The following GRIA3 variants were observed in gnomAD, a reference collection of about 807,000 sequenced individuals.
GRIA3 encodes the protein glutamate receptor 3.
Under a neutral mutation model 63.0 loss-of-function variants are expected in GRIA3, and 3 were observed. The observed-to-expected ratio is 0.05, with a 90% CI of 0.02 to 0.12. The LOEUF is 0.12. GRIA3 is among the 10% of genes least tolerant of loss of function. The pLI, the probability that GRIA3 is intolerant of heterozygous loss-of-function variation, is 1.00. For missense variants in GRIA3, 347 were observed against 700.9 expected (o/e 0.50, Z 5.70); for synonymous variants, 274 against 257.9 (o/e 1.06, Z -0.60).
chrX:123,376,107 T>C (rs761140876), intron 5 of GRIA3, among the ~76,000 whole-genome samples: 1 of 112,060 alleles, frequency 8.9e-6, no homozygotes, highest in Non-Finnish European at 1.9e-5. Flanking sequence ...GTCCCCTTCT[T>C]TCATTCTCTA....
At chrX:123,234,631 G>A (rs1690696906) in intron 2 of GRIA3, among the ~76,000 whole-genome samples, 1 of 111,643 alleles carries the variant, frequency 9.0e-6, no homozygotes, top group South Asian at 3.8e-4. Context: ...TATACCTTGT[G>A]GCAACATATT....
At chrX:123,366,543 A>C (rs919161537) in intron 5 of GRIA3, among the ~76,000 whole-genome samples, 8 of 111,926 alleles carry the variant, frequency 7.1e-5, no homozygotes, top group African/African-American at 2.6e-4. Flanking sequence ...GAAAATTATT[A>C]AGTGTTCAAT....
chrX:123,301,970 G>T (rs1434067210), intron 3 of GRIA3, among the ~76,000 whole-genome samples: 1 of 111,987 alleles, frequency 8.9e-6, no homozygotes, highest in Non-Finnish European at 1.9e-5. Flanking sequence ...CTATGGCTTT[G>T]CCCAGTAATT....
At chrX:123,337,762 A>G (rs1458179813) in intron 4 of GRIA3, among the ~76,000 whole-genome samples, 1 of 111,141 alleles carries the variant, frequency 9.0e-6, no homozygotes, top group African/African-American at 3.3e-5. Context: ...CTATCTTTTG[A>G]ACAGCTCTGA....
At chrX:123,438,258 G>A (rs1029230009) in intron 12 of GRIA3, among the ~76,000 whole-genome samples, 10 of 111,860 alleles carry the variant, frequency 8.9e-5, no homozygotes, top group Non-Finnish European at 1.5e-4. Flanking sequence ...TTTGTGTCTG[G>A]CATATTTCAC....
Position 123,334,602 on chromosome X carries a change from T to A in GRIA3, c.696+8389T>A, listed in dbSNP as rs149712406. 7.1e-3 allele frequency among the ~76,000 whole-genome samples: 793 copies of A among 112,175 alleles called. 11 individuals carry two copies. The highest frequency in any genetic ancestry group is 0.024 in the African/African-American group (755 of 30,936). The stretch of plus-strand genomic sequence containing the variant: ...CCATTAAACAAAAATCTGATAAATG[T>A]TTGATTATTTCTTGTCAGGTTTGGG... On this transcript the variant is annotated intron_variant, in intron 4 of 15. Coordinates refer to ENST00000620443, the MANE Select transcript of GRIA3 (RefSeq NM_007325.5).
intron 12 of GRIA3, among the ~76,000 whole-genome samples, chrX:123,460,603 T>C (rs1263114829): frequency 8.9e-6 from 1 of 111,856 alleles, no homozygotes; most frequent in Non-Finnish European, 1.9e-5. Context: ...TTCAGTATCG[T>C]GGTTACTTTT....
intron 3 of GRIA3, among the ~76,000 whole-genome samples, chrX:123,292,734 G>C (rs1398070237): frequency 1.8e-5 from 2 of 111,274 alleles, no homozygotes; most frequent in Admixed American, 1.9e-4. Flanking sequence ...AAGACTTTGG[G>C]GAAGTCAAGA....
chrX:123,347,715 G>A (rs2045061387), intron 4 of GRIA3, among the ~76,000 whole-genome samples: 1 of 112,201 alleles, frequency 8.9e-6, no homozygotes, highest in Non-Finnish European at 1.9e-5. Context: ...GAACTAATAA[G>A]TAAATGGCAG....
chrX:123,384,777 T>G (rs2045345292), intron 5 of GRIA3, among the ~76,000 whole-genome samples: 2 of 112,590 alleles, frequency 1.8e-5, no homozygotes, highest in Non-Finnish European at 3.8e-5. Flanking sequence ...CATGTGCTTG[T>G]TGGCCACACA....
chrX:123,441,164 T>C lies in GRIA3; in HGVS notation c.2076+13025T>C, dbSNP rs181302255. Among the ~76,000 whole-genome samples, 12 of 111,963 alleles carry C rather than the reference T, an allele frequency of 1.1e-4. No individual in the cohort carries two copies. In the East Asian group the frequency reaches 3.1e-3, roughly 29 times the overall value. ...AAATAGTTCAAGGGGGATGTGAGAA[T>C]ATTTTTGTGGCCAAGAAAGAAAAAC... is the stretch of plus-strand genomic sequence containing the variant. On this transcript the variant is annotated intron_variant, in intron 12 of 15. Transcript: ENST00000620443.
chrX:123,382,195 T>C (rs1316653415), intron 5 of GRIA3, among the ~76,000 whole-genome samples: 1 of 112,065 alleles, frequency 8.9e-6, no homozygotes, highest in African/African-American at 3.2e-5. Flanking sequence ...CTTTCTTTTT[T>C]CACCTCACTT....
intron 2 of GRIA3, among the ~76,000 whole-genome samples, chrX:123,230,389 A>G: frequency 8.9e-6 from 1 of 111,751 alleles, no homozygotes; most frequent in East Asian, 2.8e-4. Flanking sequence ...ATTTATTCAG[A>G]AGTGTTAACG....
intron 5 of GRIA3, 29 bp downstream of exon 5, chrX:123,354,992 T>A (rs780019950): frequency 5.6e-6 from 6 of 1,062,033 alleles, no homozygotes; most frequent in Non-Finnish European, 7.9e-6. Flanking sequence ...CCCTGGGCAA[T>A]ATATCCTATT....
chrX:123,189,460 G>A (rs1187475743), intron 2 of GRIA3, among the ~76,000 whole-genome samples: 1 of 112,142 alleles, frequency 8.9e-6, no homozygotes, highest in African/African-American at 3.2e-5. Flanking sequence ...CGATTCCCTT[G>A]AAGTCCCCTC....
At chrX:123,462,347 C>A (rs2045797736) in intron 12 of GRIA3, among the ~76,000 whole-genome samples, 1 of 111,883 alleles carries the variant, frequency 8.9e-6, no homozygotes, top group Admixed American at 9.5e-5. Context: ...CAGGGCCCTA[C>A]AAGATCTGGC....
chrX:123,341,491 T>C (rs1311137393), intron 4 of GRIA3, among the ~76,000 whole-genome samples: 1 of 87,995 alleles, frequency 1.1e-5, no homozygotes, highest in Non-Finnish European at 2.2e-5. Context: ...TCTCTCACCA[T>C]GGCTTACACT....
chrX:123,430,564 T>C (rs2045612176), intron 12 of GRIA3, among the ~76,000 whole-genome samples: 1 of 111,665 alleles, frequency 9.0e-6, no homozygotes, highest in Non-Finnish European at 1.9e-5. Flanking sequence ...CCAAGCCATT[T>C]AAATCCAATG....
chrX:123,359,309 A>G (rs2045153989), intron 5 of GRIA3, among the ~76,000 whole-genome samples: 1 of 112,053 alleles, frequency 8.9e-6, no homozygotes, highest in Non-Finnish European at 1.9e-5. Flanking sequence ...GTAAATAAAA[A>G]TATTAAGTAA....
Sources: allele counts gnomAD v4.1 joint callset (sites outside exome capture counted in the v4.1 genomes callset), GRCh38; gene constraint gnomAD v4.1.1; transcripts MANE v1.5; gene names NCBI Gene and HGNC (gene_info 2026-07-23, HGNC 2026-07-21).